The following FHIT variants were observed in gnomAD, a reference collection of about 807,000 sequenced individuals.
The protein encoded by FHIT is bis(5'-adenosyl)-triphosphatase.
FHIT carries 19 observed loss-of-function variants against 17.9 expected under a neutral mutation model. The observed-to-expected ratio is 1.06, with a 90% CI of 0.74 to 1.56. FHIT has a LOEUF of 1.56. FHIT is among the 40% of genes most tolerant of loss of function. FHIT has a pLI of 0.00. For synonymous variants in FHIT, 81 were observed against 69.7 expected, an observed-to-expected ratio of 1.16 and a Z score of -0.81; for missense variants, 248 against 189.2, an observed-to-expected ratio of 1.31 and a Z score of -1.82.
At chr3:60,089,994 T>TTAC (rs1178826949) in intron 5 of FHIT, among the ~76,000 whole-genome samples, 1 of 152,202 alleles carries the variant, frequency 6.6e-6, no homozygotes, top group Non-Finnish European at 1.5e-5. Context: ...TATGTAGTGC[T>TTAC]TACTGTGTTC....
At chr3:60,470,125 T>A (rs574959340) in intron 5 of FHIT, among the ~76,000 whole-genome samples, 25 of 151,186 alleles carry the variant, frequency 1.7e-4, no homozygotes, top group Non-Finnish European at 3.4e-4. Flanking sequence ...AGCACTCCTG[T>A]GGCCACCGCC....
At chr3:61,077,984 C>G (rs1007345323) in intron 2 of FHIT, among the ~76,000 whole-genome samples, 5 of 152,138 alleles carry the variant, frequency 3.3e-5, no homozygotes, top group Admixed American at 6.6e-5. Flanking sequence ...GAAAACACCT[C>G]TTTATAAAGG....
At chr3:60,126,242 T>G (rs79124816) in intron 5 of FHIT, among the ~76,000 whole-genome samples, 4,691 of 152,280 alleles carry the variant, frequency 0.031, 83 homozygotes, top group Non-Finnish European at 0.041. Context: ...GGCTTGAGTC[T>G]TTAAAACTCC....
At chr3:60,453,189 T>C (rs2031861075) in intron 5 of FHIT, among the ~76,000 whole-genome samples, 2 of 136,872 alleles carry the variant, frequency 1.5e-5, no homozygotes, top group African/African-American at 3.0e-5. Context: ...ATTTTATGCC[T>C]GAGCAGATTT....
chr3:60,935,315 G>C (rs1222389969), intron 3 of FHIT, among the ~76,000 whole-genome samples: 1 of 152,118 alleles, frequency 6.6e-6, no homozygotes, highest in Non-Finnish European at 1.5e-5. Context: ...TAACACTAGA[G>C]AAATAACAAT....
At chr3:59,875,280 G>A (rs1703101310) in intron 8 of FHIT, among the ~76,000 whole-genome samples, 1 of 152,206 alleles carries the variant, frequency 6.6e-6, no homozygotes, top group Non-Finnish European at 1.5e-5. Context: ...CCTCTGAGGC[G>A]ACTGCCAGAG....
At chr3:60,839,076 A>G (rs1435678245) in intron 3 of FHIT, among the ~76,000 whole-genome samples, 1 of 152,126 alleles carries the variant, frequency 6.6e-6, no homozygotes, top group Non-Finnish European at 1.5e-5. Flanking sequence ...AGTAGAAAAG[A>G]CAGCTAAGGG....
chr3:60,179,101 G>A (rs12492663), intron 5 of FHIT, among the ~76,000 whole-genome samples: 2,300 of 152,254 alleles, frequency 0.015, 99 homozygotes, highest in East Asian at 0.099. Flanking sequence ...TTCATGGGCA[G>A]CAAAAGAAGT....
chr3:60,895,599 G>C (rs782307831), intron 3 of FHIT, among the ~76,000 whole-genome samples: 26 of 151,926 alleles, frequency 1.7e-4, no homozygotes, highest in Non-Finnish European at 3.4e-4. Context: ...CAATTAGTTG[G>C]TTTTCTAGTG....
chr3:60,354,298 A>C (rs949408407), intron 5 of FHIT, among the ~76,000 whole-genome samples: 5 of 152,186 alleles, frequency 3.3e-5, no homozygotes, highest in Admixed American at 1.3e-4. Context: ...GACTTACTTT[A>C]TTATTCCTAT....
chr3:60,444,782 C>T (rs1292472020), intron 5 of FHIT, among the ~76,000 whole-genome samples: 1 of 151,490 alleles, frequency 6.6e-6, no homozygotes, highest in African/African-American at 2.4e-5. Flanking sequence ...CAACATGGCA[C>T]ATGTATACAT....
intron 5 of FHIT, among the ~76,000 whole-genome samples, chr3:60,452,140 A>G (rs550006023): frequency 3.3e-5 from 5 of 152,328 alleles, no homozygotes; most frequent in South Asian, 2.1e-4. Flanking sequence ...CTGTAACCAC[A>G]TATCTTCATT....
intron 3 of FHIT, among the ~76,000 whole-genome samples, chr3:60,950,664 G>A (rs757063767): frequency 1.3e-5 from 2 of 151,294 alleles, no homozygotes; most frequent in Admixed American, 6.6e-5. Context: ...TTACAGGCAC[G>A]CACCACCACA....
chr3:60,507,599 A>G (rs2034786391), intron 5 of FHIT, among the ~76,000 whole-genome samples: 2 of 152,102 alleles, frequency 1.3e-5, no homozygotes, highest in African/African-American at 4.8e-5. Context: ...GGTTTGTTGT[A>G]CAGATTATTT....
intron 5 of FHIT, among the ~76,000 whole-genome samples, chr3:60,119,236 G>A (rs1054118363): frequency 2.8e-4 from 42 of 151,726 alleles, no homozygotes; most frequent in Middle Eastern, 3.4e-3. Flanking sequence ...ACCATGCCCA[G>A]CTAATTTTTT....
chr3:60,793,023 G>C lies in FHIT; in HGVS notation c.-18+28896C>G, dbSNP rs371494277. On this transcript the variant is annotated intron_variant, in intron 4 of 9. Transcript: ENST00000492590. ...CTTTTACTGAAACTACTAAAGCAGG[G>C]GCTGAAGTCAGGTTTTAAAAAAGAT... Among the ~76,000 whole-genome samples, 6 of 152,178 alleles carry C rather than the reference G, an allele frequency of 3.9e-5. No homozygotes were observed. In the South Asian group the frequency reaches 1.0e-3, roughly 26 times the overall value.
intron 4 of FHIT, among the ~76,000 whole-genome samples, chr3:60,574,949 C>G (rs1431244790): frequency 5.3e-5 from 8 of 151,650 alleles, no homozygotes; most frequent in African/African-American, 1.9e-4. Flanking sequence ...CTCCAGTTGA[C>G]TCTGAGCTTC....
At chr3:60,207,164 G>T (rs1242057811) in intron 5 of FHIT, among the ~76,000 whole-genome samples, 2 of 144,798 alleles carry the variant, frequency 1.4e-5, no homozygotes, top group African/African-American at 4.9e-5. Context: ...GAGTGTGTCA[G>T]TGTGCGTGTG....
chr3:60,006,332 G>T (rs1225552395), intron 7 of FHIT, among the ~76,000 whole-genome samples: 1 of 152,170 alleles, frequency 6.6e-6, no homozygotes, highest in Non-Finnish European at 1.5e-5. Context: ...GCAGTCATTC[G>T]TAGCGAGAGA....
Sources: gnomAD v4.1 joint callset for allele counts (sites outside exome capture counted in the v4.1 genomes callset) on GRCh38, gnomAD v4.1.1 for gene constraint, MANE v1.5 for transcripts, NCBI Gene and HGNC (gene_info 2026-07-23, HGNC 2026-07-21) for gene names.